Variants in TENM4 observed in about 807,000 individuals in gnomAD.
TENM4 encodes teneurin-4.
TENM4 carries 82 observed loss-of-function variants against 243.3 expected under a neutral mutation model. That is an observed-to-expected ratio of 0.34 (90% CI 0.28 to 0.40). TENM4 has a LOEUF of 0.40. TENM4 is among the 10% of genes least tolerant of loss of function. TENM4 has a pLI of 1.00. For missense variants in TENM4, 3,138 were observed against 3,673.3 expected (o/e 0.85, Z 3.77); for synonymous variants, 1,412 against 1,456.3 (o/e 0.97, Z 0.69).
chr11:79,194,005 G>T (rs1247240002), intron 3 of TENM4, among the ~76,000 whole-genome samples: 1 of 152,112 alleles, frequency 6.6e-6, no homozygotes, highest in Non-Finnish European at 1.5e-5. Context: ...CCCACCTGTT[G>T]TGGGAGGGAC....
chr11:79,400,145 A>ACACACACACACAC (rs1333144765), intron 1 of TENM4, among the ~76,000 whole-genome samples: 1 of 130,602 alleles, frequency 7.7e-6, no homozygotes, highest in East Asian at 2.2e-4. Flanking sequence ...ACACACACAC[A>ACACACACACACAC]CCCTCCAGGA....
At chr11:79,387,802 C>T (rs985933400) in intron 1 of TENM4, among the ~76,000 whole-genome samples, 1 of 152,076 alleles carries the variant, frequency 6.6e-6, no homozygotes, top group Non-Finnish European at 1.5e-5. Context: ...CCCAGGAGTT[C>T]GAGACCAGCC....
intron 4 of TENM4, among the ~76,000 whole-genome samples, chr11:79,072,685 C>T (rs1186036852): frequency 6.6e-6 from 1 of 152,130 alleles, no homozygotes; most frequent in Non-Finnish European, 1.5e-5. Context: ...AAATTGATAT[C>T]ACAACCCAAT....
intron 4 of TENM4, among the ~76,000 whole-genome samples, chr11:79,133,391 A>G (rs1862048346): frequency 6.6e-6 from 1 of 152,218 alleles, no homozygotes; most frequent in Admixed American, 6.5e-5. Context: ...GTCCAGCACC[A>G]GATGGATTCA....
intron 4 of TENM4, among the ~76,000 whole-genome samples, chr11:79,133,620 A>C (rs1391496214): frequency 6.6e-6 from 1 of 152,174 alleles, no homozygotes; most frequent in Non-Finnish European, 1.5e-5. Context: ...CTAGCTAACC[A>C]AATCCAACAA....
chr11:78,789,327 CTA>C (rs1857005851), intron 15 of TENM4, among the ~76,000 whole-genome samples: 1 of 152,164 alleles, frequency 6.6e-6, no homozygotes, highest in Admixed American at 6.5e-5. Context: ...GGCTGCGGAG[CTA>C]TGTCAAGCAG....
chr11:79,022,872 C>T (rs932131643), intron 6 of TENM4, among the ~76,000 whole-genome samples: 3 of 152,162 alleles, frequency 2.0e-5, no homozygotes, highest in Non-Finnish European at 4.4e-5. Context: ...AAATGTGCCA[C>T]TCACTATGTT....
At chr11:79,017,165 G>A (rs1374638310) in intron 6 of TENM4, among the ~76,000 whole-genome samples, 2 of 152,214 alleles carry the variant, frequency 1.3e-5, no homozygotes, top group Non-Finnish European at 1.5e-5. Context: ...CACCTTTGGT[G>A]GGTCAATTGG....
intron 1 of TENM4, among the ~76,000 whole-genome samples, chr11:79,394,997 C>T (rs995712536): frequency 6.6e-6 from 1 of 152,186 alleles, no homozygotes; most frequent in Non-Finnish European, 1.5e-5. Flanking sequence ...GCCAACATTG[C>T]CAACACCTGG....
chr11:78,848,382 C>T (rs553692985), intron 12 of TENM4, among the ~76,000 whole-genome samples: 25 of 152,298 alleles, frequency 1.6e-4, no homozygotes, highest in African/African-American at 5.8e-4. Context: ...TTTAAGGCAT[C>T]CTGGGCTCTA....
At chr11:78,716,024 C>T (rs1859514114) in intron 25 of TENM4, among the ~76,000 whole-genome samples, 1 of 152,188 alleles carries the variant, frequency 6.6e-6, no homozygotes, top group Non-Finnish European at 1.5e-5. Context: ...GCACACATGA[C>T]CTCATTTTCT....
At chr11:79,123,084 T>C (rs1010214191) in intron 4 of TENM4, among the ~76,000 whole-genome samples, 1 of 152,112 alleles carries the variant, frequency 6.6e-6, no homozygotes, top group African/African-American at 2.4e-5. Context: ...CTCAGGAATA[T>C]GAGAATCTTC....
At chr11:79,436,391 T>C (rs1050482550) in intron 1 of TENM4, among the ~76,000 whole-genome samples, 1 of 152,076 alleles carries the variant, frequency 6.6e-6, no homozygotes, top group Non-Finnish European at 1.5e-5. Context: ...AGTAATATTG[T>C]GCCATTTTAC....
At chr11:79,178,744 C>A (rs889921097) in intron 3 of TENM4, among the ~76,000 whole-genome samples, 1 of 152,166 alleles carries the variant, frequency 6.6e-6, no homozygotes, top group Non-Finnish European at 1.5e-5. Flanking sequence ...CTGTCTCCCC[C>A]ACACCCACCC....
At chr11:78,817,537 C>A (rs1280275813) in intron 12 of TENM4, among the ~76,000 whole-genome samples, 1 of 152,202 alleles carries the variant, frequency 6.6e-6, no homozygotes, top group Admixed American at 6.5e-5. Context: ...TTGGAAGAAT[C>A]CATGTTCCCA....
Position 79,020,605 on chromosome 11 carries a change from T to TGA in TENM4, c.493+44132_493+44133insTC, listed in dbSNP as rs1491311485. On this transcript the variant is annotated intron_variant, in intron 6 of 33. Transcript: ENST00000278550. ...TTTAAACCCTGGAATGTAAATGCAA[T>TGA]TTTTTTTTTCCTGGCATTAAAAAAA... is the stretch of plus-strand genomic sequence containing the variant. 1.4e-3 allele frequency among the ~76,000 whole-genome samples: 94 copies of TGA among 65,504 alleles called. No individual in the cohort carries two copies. In the South Asian group the frequency reaches 0.019, roughly 13 times the overall value. 43.0% of individuals were successfully genotyped at this position (65,504 alleles called of 152,430 possible).
intron 6 of TENM4, among the ~76,000 whole-genome samples, chr11:79,053,564 T>G (rs950633515): frequency 6.6e-6 from 1 of 152,224 alleles, no homozygotes; most frequent in Non-Finnish European, 1.5e-5. Context: ...TAATAGATCT[T>G]TGCTGTTTCC....
intron 12 of TENM4, among the ~76,000 whole-genome samples, chr11:78,828,678 G>A (rs1479528312): frequency 6.6e-6 from 1 of 152,212 alleles, no homozygotes; most frequent in Non-Finnish European, 1.5e-5. Context: ...GTAATTATAT[G>A]TTCAAGTCAA....
At chr11:78,790,488 T>G (rs1394667060) in intron 15 of TENM4, among the ~76,000 whole-genome samples, 1 of 152,212 alleles carries the variant, frequency 6.6e-6, no homozygotes, top group Non-Finnish European at 1.5e-5. Context: ...GTTTTACAGT[T>G]TGCAAAGCAC....
Sources: allele counts gnomAD v4.1 joint callset (sites outside exome capture counted in the v4.1 genomes callset), GRCh38; gene constraint gnomAD v4.1.1; transcripts MANE v1.5; gene names NCBI Gene and HGNC (gene_info 2026-07-23, HGNC 2026-07-21).